FHIP1A: variants seen among roughly 807,000 people sequenced by gnomAD.
FHIP1A encodes FHF complex subunit HOOK-interacting protein 1A.
FHIP1A carries 61 observed loss-of-function variants against 88.6 expected under a neutral mutation model. The ratio of observed to expected loss-of-function variants is 0.69; its 90% CI spans 0.56 to 0.85. The LOEUF (loss-of-function observed/expected upper bound fraction) is 0.85. Among genes scored for constraint, FHIP1A ranks in the 40% least tolerant of loss-of-function variants. The pLI is 0.00. For synonymous variants in FHIP1A, 478 were observed against 496.0 expected (o/e 0.96, Z 0.48); for missense variants, 1,154 against 1,273.5 (o/e 0.91, Z 1.43).
rs1265490631 is a variant in FHIP1A, at chr4:151,668,214, C to G, written c.*5460C>G. ...AAGAGGCATGGCAGCCACTTCCATG[C>G]TGCTTTTGGTAATGGGTAAAGAATA... On this transcript the variant is annotated 3_prime_UTR_variant, in exon 14 of 14. Transcript: ENST00000435205. Among the ~76,000 whole-genome samples the G allele has an allele frequency of 7.2e-5, 11 of 152,154 alleles. No individual in the cohort carries two copies. Among genetic ancestry groups the G allele is most frequent in the Admixed American group, 7.2e-4 (11 of 15,286 alleles).
intron 1 of FHIP1A, among the ~76,000 whole-genome samples, chr4:151,440,687 A>G (rs991962841): frequency 6.6e-6 from 1 of 152,130 alleles, no homozygotes; most frequent in Non-Finnish European, 1.5e-5. Flanking sequence ...ATGGAGCTGA[A>G]TCTTCTCAGA....
chr4:151,479,329 T>C (rs1729816946), intron 2 of FHIP1A, among the ~76,000 whole-genome samples: 1 of 152,086 alleles, frequency 6.6e-6, no homozygotes, highest in Non-Finnish European at 1.5e-5. Flanking sequence ...AGGGATTGCA[T>C]TGAAGTGATA....
At chr4:151,655,027 G>C (rs1020408794) in intron 11 of FHIP1A, among the ~76,000 whole-genome samples, 1 of 151,924 alleles carries the variant, frequency 6.6e-6, no homozygotes, top group South Asian at 2.1e-4. Context: ...TCCACACACA[G>C]AGCTTCTGTT....
chr4:151,468,695 GA>G (rs1252648104), intron 2 of FHIP1A, among the ~76,000 whole-genome samples: 3 of 152,168 alleles, frequency 2.0e-5, no homozygotes, highest in Admixed American at 2.0e-4. Flanking sequence ...ACCTTAGTTG[GA>G]AGGCTGGTCA....
intron 3 of FHIP1A, among the ~76,000 whole-genome samples, chr4:151,563,435 A>C (rs561354483): frequency 6.6e-6 from 1 of 152,310 alleles, no homozygotes; most frequent in South Asian, 2.1e-4. Context: ...GTGTGTCTTT[A>C]CGGGAAGAAC....
In FHIP1A at chr4:151,656,423, A is replaced by T. The variant is rs755011508; in HGVS notation, c.2730+13A>T. Reference sequence around the variant, plus strand: ...CTCTCTCTATCAGGTATGTTAGCTGAACCCACATCCACACCTGTTGATTTT... The same window carrying T: ...CTCTCTCTATCAGGTATGTTAGCTGTACCCACATCCACACCTGTTGATTTT... On this transcript the variant is annotated intron_variant, in intron 12 of 13. Coordinates refer to ENST00000435205, the MANE Select transcript of FHIP1A (RefSeq NM_001109977.3). The surrounding 1 kb of genome is among the most constrained non-coding windows in gnomAD (Gnocchi z 4.2). The T allele has an allele frequency of 1.9e-6, 3 of 1,550,928 alleles. No individual in the cohort carries two copies. The South Asian group carries it at 3.6e-5, about 18-fold the overall frequency.
At chr4:151,616,658 G>A (rs1735543020) in intron 7 of FHIP1A, among the ~76,000 whole-genome samples, 1 of 151,804 alleles carries the variant, frequency 6.6e-6, no homozygotes, top group Non-Finnish European at 1.5e-5. Context: ...CACCGTGTTA[G>A]CCAGGATGGT....
At chr4:151,576,485 G>A (rs1472772328) in intron 4 of FHIP1A, among the ~76,000 whole-genome samples, 1 of 152,034 alleles carries the variant, frequency 6.6e-6, no homozygotes, top group Non-Finnish European at 1.5e-5. Flanking sequence ...AAGTTATTTT[G>A]TAGAGATAGG....
chr4:151,635,608 T>C (rs995245403), intron 8 of FHIP1A, among the ~76,000 whole-genome samples: 2 of 151,934 alleles, frequency 1.3e-5, no homozygotes, highest in African/African-American at 4.8e-5. Flanking sequence ...GAGGGTATTA[T>C]GCGAAGTGAA....
Position 151,482,580 on chromosome 4 carries a change from T to C in FHIP1A, c.-191T>C, listed in dbSNP as rs1161888818. 2 of 152,084 alleles carry C rather than the reference T, an allele frequency of 1.3e-5. No individual in the cohort carries two copies. The highest frequency in any genetic ancestry group is 2.4e-5 in the African/African-American group (1 of 41,432). 9.4% of individuals were successfully genotyped at this position (152,084 alleles called of 1,614,324 possible). On this transcript the variant is annotated 5_prime_UTR_variant, in exon 3 of 14. Coordinates refer to ENST00000435205, the MANE Select transcript of FHIP1A (RefSeq NM_001109977.3). ...CAGAGCCAAATGTTAGAAAAATCTT[T>C]CCGCTCCTCTGAAGAGTGAAGTGAG...
At chr4:151,660,793 G>A (rs1298206085) in intron 13 of FHIP1A, among the ~76,000 whole-genome samples, 2 of 152,220 alleles carry the variant, frequency 1.3e-5, no homozygotes, top group South Asian at 2.1e-4. Context: ...AATTCATTGT[G>A]AAGTTGGTGG....
intron 7 of FHIP1A, among the ~76,000 whole-genome samples, chr4:151,592,962 G>T (rs996919528): frequency 6.6e-6 from 1 of 152,184 alleles, no homozygotes; most frequent in Non-Finnish European, 1.5e-5. Context: ...AAGGGGTCCA[G>T]TTTCAGTTTT....
intron 5 of FHIP1A, among the ~76,000 whole-genome samples, chr4:151,582,323 A>C (rs771071898): frequency 4.6e-5 from 7 of 151,500 alleles, no homozygotes; most frequent in Non-Finnish European, 8.8e-5. Flanking sequence ...AACATTACTC[A>C]TTCACTGCTC....
intron 2 of FHIP1A, among the ~76,000 whole-genome samples, chr4:151,478,046 A>C (rs1729768442): frequency 6.6e-6 from 1 of 152,164 alleles, no homozygotes; most frequent in Admixed American, 6.6e-5. Flanking sequence ...TGCATGAGAA[A>C]ATTATGTACA....
chr4:151,437,856 C>G (rs1461773707), intron 1 of FHIP1A, among the ~76,000 whole-genome samples: 4 of 152,158 alleles, frequency 2.6e-5, no homozygotes, highest in Non-Finnish European at 5.9e-5. Flanking sequence ...TTTTATAATG[C>G]ATTCCACAAA....
Position 151,584,858 on chromosome 4 carries a change from C to A in FHIP1A, c.733-1783C>A, listed in dbSNP as rs956415712. On this transcript the variant is annotated intron_variant, in intron 5 of 13. Transcript: ENST00000435205. ...TTCTCTGCTTGGAATATTCTTCCCC[C>A]TACTCTTTTTCTGGCTAACTCCTAC... is the stretch of plus-strand genomic sequence containing the variant. Among the ~76,000 whole-genome samples the A allele has an allele frequency of 1.2e-4, 18 of 152,194 alleles. No individual in the cohort carries two copies. The East Asian group carries it at 1.9e-3, about 16-fold the overall frequency.
intron 7 of FHIP1A, among the ~76,000 whole-genome samples, chr4:151,620,959 T>G (rs1389369800): frequency 6.7e-6 from 1 of 149,504 alleles, no homozygotes; most frequent in Non-Finnish European, 1.5e-5. Flanking sequence ...ATGCAGAGAG[T>G]GGAGGGAAGA....
chr4:151,433,965 A>G (rs1199798005), intron 1 of FHIP1A, among the ~76,000 whole-genome samples: 1 of 152,184 alleles, frequency 6.6e-6, no homozygotes, highest in Non-Finnish European at 1.5e-5. Flanking sequence ...CATATCTTTC[A>G]GTGTTTCGAA....
chr4:151,527,116 C>T (rs1419526609), intron 3 of FHIP1A, among the ~76,000 whole-genome samples: 4 of 151,192 alleles, frequency 2.6e-5, no homozygotes, highest in African/African-American at 7.3e-5. Flanking sequence ...ACTTCCCAGA[C>T]GGGGTGGCGG....
Sources: gnomAD v4.1 joint callset for allele counts (sites outside exome capture counted in the v4.1 genomes callset) on GRCh38, gnomAD v4.1.1 for gene constraint, Gnocchi (gnomAD v3.1) non-coding constraint, MANE v1.5 for transcripts, NCBI Gene and HGNC (gene_info 2026-07-23, HGNC 2026-07-21) for gene names.